GALNT3: variants seen among roughly 807,000 people sequenced by gnomAD.
The protein encoded by GALNT3 is GalNAc transferase 3.
GALNT3 carries 51 observed loss-of-function variants against 69.8 expected under a neutral mutation model. The observed-to-expected ratio is 0.73, with a 90% CI of 0.58 to 0.92. GALNT3 has a LOEUF of 0.92. Ranked by LOEUF, GALNT3 falls within the 40% of genes least tolerant of loss-of-function variation. The pLI is 0.00. For synonymous variants in GALNT3, 265 were observed against 248.5 expected (o/e 1.07, Z -0.63); for missense variants, 711 against 760.0 (o/e 0.94, Z 0.76).
At chr2:165,772,675 C>A (rs902163106) in intron 1 of GALNT3, among the ~76,000 whole-genome samples, 11 of 148,824 alleles carry the variant, frequency 7.4e-5, no homozygotes, top group East Asian at 5.9e-4. Context: ...CACTGTTGAG[C>A]AAAATCTTGA....
chr2:165,768,024 T>TGC (rs1553493666), intron 2 of GALNT3, among the ~76,000 whole-genome samples: 3 of 151,942 alleles, frequency 2.0e-5, no homozygotes, highest in Non-Finnish European at 4.4e-5. Context: ...CAGGCGCACA[T>TGC]CACCATGCCC....
chr2:165,781,276 CAA>C (rs1683101662), intron 1 of GALNT3, among the ~76,000 whole-genome samples: 1 of 152,048 alleles, frequency 6.6e-6, no homozygotes, highest in Admixed American at 6.6e-5. Flanking sequence ...GTAGCATATT[CAA>C]ATGTTGTAAA....
Position 165,776,555 on chromosome 2 carries a change from A to G in GALNT3, c.-108-5747T>C, listed in dbSNP as rs534746871. 7.2e-5 allele frequency among the ~76,000 whole-genome samples: 11 copies of G among 152,294 alleles called. No homozygotes were observed. The East Asian group carries it at 2.1e-3, about 29-fold the overall frequency. ...TTAAAAACTAAAAAAAAAGAAAAAAAAGAAAAGAAAAATTCAGAGATCTTC... is the reference window on the plus strand; with the variant it reads ...TTAAAAACTAAAAAAAAAGAAAAAAGAGAAAAGAAAAATTCAGAGATCTTC... On this transcript the variant is annotated intron_variant, in intron 1 of 10. Coordinates refer to ENST00000392701, the MANE Select transcript of GALNT3 (RefSeq NM_004482.4).
intron 1 of GALNT3, among the ~76,000 whole-genome samples, chr2:165,778,141 A>C (rs1683012459): frequency 6.6e-6 from 1 of 152,240 alleles, no homozygotes; most frequent in Non-Finnish European, 1.5e-5. Context: ...ATTATCTGTC[A>C]AGGGAGTCAC....
intron 2 of GALNT3, among the ~76,000 whole-genome samples, chr2:165,768,434 G>C (rs1224290726): frequency 1.3e-5 from 2 of 152,100 alleles, no homozygotes; most frequent in African/African-American, 4.8e-5. Flanking sequence ...TCAGTAAAGT[G>C]CAATACTGCA....
chr2:165,770,357 G>A lies in GALNT3; in HGVS notation c.344C>T (p.Pro115Leu). The change falls in exon 2 of 11, where the codon CCT (proline) becomes CTT (leucine). Residue 115 changes from proline to leucine, a missense_variant. Physicochemically the swap from Pro to Leu is moderately conservative, Grantham distance 98. Transcript: ENST00000392701. ...AGCACCAGGTGCATTTGAATCCTGA[G>A]GTGGACGGTCAAGGACAGGCTTCAA... ...AELKPVLDRP[P>L]QDSNAPGASG... 1 of 1,614,144 alleles carries A rather than the reference G, an allele frequency of 6.2e-7. No individual in the cohort carries two copies. The highest frequency in any genetic ancestry group is 8.5e-7 in the Non-Finnish European group (1 of 1,180,022).
At chr2:165,761,670 AC>A in intron 4 of GALNT3, 1 of 705,830 alleles carries the variant, frequency 1.4e-6, no homozygotes, top group Non-Finnish European at 2.6e-6. Context: ...TAACTGGAGA[AC>A]ACTGAAGTTG....
At chr2:165,782,441 G>A (rs1056831770) in intron 1 of GALNT3, among the ~76,000 whole-genome samples, 9 of 151,832 alleles carry the variant, frequency 5.9e-5, no homozygotes, top group Non-Finnish European at 5.9e-5. Context: ...ACAAATTTGC[G>A]TTGGGCCACA....
At chr2:165,785,879 A>G (rs1017159819) in intron 1 of GALNT3, among the ~76,000 whole-genome samples, 1 of 152,186 alleles carries the variant, frequency 6.6e-6, no homozygotes, top group Non-Finnish European at 1.5e-5. Flanking sequence ...AAAAGATGTT[A>G]GAGTACATAG....
At chr2:165,768,479 G>A (rs758751294) in intron 2 of GALNT3, among the ~76,000 whole-genome samples, 40 of 152,118 alleles carry the variant, frequency 2.6e-4, no homozygotes, top group Non-Finnish European at 4.9e-4. Context: ...GAACTATAAT[G>A]TGCCTTGTTA....
At position 165,754,999 on chromosome 2, in the gene GALNT3, G is replaced by T; in HGVS notation, c.1457C>A (p.Thr486Lys). ...TGGATAAATGTTGTTCAGATACCAT[G>T]TAAAATTTTTACACTGAAGGCGGTG... is the stretch of plus-strand genomic sequence containing the variant. ...IKHRLQCKNF[T>K]WYLNNIYPEV... Residue 486 changes from threonine (T) to lysine (K), a missense_variant, in exon 8 of 11, where the codon ACA (threonine) becomes AAA (lysine). Transcript: ENST00000392701. The T allele has an allele frequency of 6.2e-7, 1 of 1,612,056 alleles. No homozygotes were observed. Among genetic ancestry groups the T allele is most frequent in the Non-Finnish European group, 8.5e-7 (1 of 1,178,292 alleles).
chr2:165,749,290 A>G (rs2303393), intron 10 of GALNT3, among the ~76,000 whole-genome samples: 59,555 of 151,966 alleles, frequency 0.39, 12,981 homozygotes, highest in Non-Finnish European at 0.5. Flanking sequence ...AGCCTTAAAC[A>G]TGTTTAAAAA....
At chr2:165,765,370 CAAT>C (rs1688619674) in intron 2 of GALNT3, among the ~76,000 whole-genome samples, 1 of 152,140 alleles carries the variant, frequency 6.6e-6, no homozygotes, top group African/African-American at 2.4e-5. Context: ...AAATAACCTA[CAAT>C]GAGGCAGCAT....
intron 1 of GALNT3, among the ~76,000 whole-genome samples, chr2:165,776,685 A>T (rs1574012462): frequency 6.6e-6 from 1 of 152,316 alleles, no homozygotes; most frequent in East Asian, 1.9e-4. Context: ...GCAAAAAGTC[A>T]TTAATAAAAA....
chr2:165,764,791 A>T, intron 3 of GALNT3, 93 bp downstream of exon 3: 2 of 1,246,886 alleles, frequency 1.6e-6, no homozygotes, highest in Non-Finnish European at 2.4e-6. Flanking sequence ...TCAAGCTCTG[A>T]GATGGCATAC....
At chr2:165,789,094 G>A (rs189784206) in intron 1 of GALNT3, among the ~76,000 whole-genome samples, 1 of 152,260 alleles carries the variant, frequency 6.6e-6, no homozygotes, top group East Asian at 1.9e-4. Flanking sequence ...AATGTTAAGT[G>A]GATTCAGTGT....
rs1688415740 is a variant in GALNT3 at position 165,754,733 on chromosome 2, A to G, written c.1525-5T>C. 2 of 1,606,576 alleles carry G rather than the reference A, an allele frequency of 1.2e-6. No homozygotes were observed. The highest frequency in any genetic ancestry group is 1.7e-6 in the Non-Finnish European group (2 of 1,175,224). On this transcript the variant is annotated splice_polypyrimidine_tract_variant and splice_region_variant and intron_variant, in intron 8 of 10. Transcript: ENST00000392701. ...AGGCTGACCAACGCTTTTAATCTAA[A>G]GGAAAATTTTCAAGTTATGAAAAGT...
intron 9 of GALNT3, among the ~76,000 whole-genome samples, chr2:165,751,010 G>T (rs1688348473): frequency 6.6e-6 from 1 of 152,040 alleles, no homozygotes; most frequent in Non-Finnish European, 1.5e-5. Flanking sequence ...GGTTCCCATA[G>T]TACATCAGAG....
intron 1 of GALNT3, among the ~76,000 whole-genome samples, chr2:165,792,246 CAGAT>C (rs1288337924): frequency 4.6e-5 from 7 of 152,200 alleles, no homozygotes; most frequent in East Asian, 3.9e-4. Context: ...TCCTATTTAA[CAGAT>C]AGATTAAGTT....
Sources: gnomAD v4.1 joint callset for allele counts (sites outside exome capture counted in the v4.1 genomes callset) on GRCh38, gnomAD v4.1.1 for gene constraint, MANE v1.5 for transcripts, NCBI Gene and HGNC (gene_info 2026-07-23, HGNC 2026-07-21) for gene names.